Variants in RAD54L2 observed in about 807,000 individuals in gnomAD.
The protein encoded by RAD54L2 is RAD54 like 2, also known as helicase ARIP4.
In RAD54L2, 27 loss-of-function variants were observed where a neutral mutation model predicts 138.4. The ratio of observed to expected loss-of-function variants is 0.20; its 90% CI spans 0.14 to 0.27. The LOEUF (loss-of-function observed/expected upper bound fraction) is 0.27. Among genes scored for constraint, RAD54L2 ranks in the 10% least tolerant of loss-of-function variants. The probability of loss-of-function intolerance (pLI) is 1.00; values close to 1 mark genes in which losing one functional copy is unlikely to be tolerated. For missense variants in RAD54L2, 1,396 were observed against 1,890.2 expected, an observed-to-expected ratio of 0.74 and a Z score of 4.85; for synonymous variants, 644 against 723.2, an observed-to-expected ratio of 0.89 and a Z score of 1.76.
At chr3:51,657,495 G>A (rs1380637214) in intron 20 of RAD54L2, 85 bp from the exon 21 acceptor site, 2 of 823,682 alleles carry the variant, frequency 2.4e-6, no homozygotes, top group East Asian at 2.8e-5. Context: ...ATGAAGAACT[G>A]GGGTAGATGT....
chr3:51,572,561 T>A (rs1699360123), intron 2 of RAD54L2, among the ~76,000 whole-genome samples: 1 of 150,462 alleles, frequency 6.6e-6, no homozygotes, highest in Non-Finnish European at 1.5e-5. Flanking sequence ...GAGGTTGCAG[T>A]GAGCTATGAT....
chr3:51,618,718 G>C (rs934977952), intron 3 of RAD54L2, among the ~76,000 whole-genome samples: 1 of 152,190 alleles, frequency 6.6e-6, no homozygotes, highest in African/African-American at 2.4e-5. Flanking sequence ...GACTTGGGGG[G>C]GTTCTTCAGA....
intron 3 of RAD54L2, among the ~76,000 whole-genome samples, chr3:51,612,125 G>T (rs895188503): frequency 6.6e-6 from 1 of 152,178 alleles, no homozygotes; most frequent in Non-Finnish European, 1.5e-5. Context: ...ATAACTGATG[G>T]AATAATGAAG....
rs1701906083 is a variant in RAD54L2 at position 51,666,173 on chromosome 3, G to GCTTTTT, written c.*2754_*2759dup. 1 of 20,226 alleles carries GCTTTTT rather than the reference G, an allele frequency of 4.9e-5. No individual in the cohort carries two copies. The allele number at this position is 20,226 out of a possible 1,614,324, so 1.3% of individuals were successfully genotyped here. On this transcript the variant is annotated 3_prime_UTR_variant, in exon 23 of 23. Transcript: ENST00000684192. Reference sequence around the variant, plus strand: ...GAGTGCTACCAGGTCCATGGTTTTTGCTTTTTTTTTTTTTTTTTTTTTTTT... The same window carrying GCTTTTT: ...GAGTGCTACCAGGTCCATGGTTTTTGCTTTTTCTTTTTTTTTTTTTTTTTTTTTTTT...
intron 19 of RAD54L2, among the ~76,000 whole-genome samples, chr3:51,653,322 C>T (rs1239907338): frequency 6.6e-6 from 1 of 152,214 alleles, no homozygotes; most frequent in East Asian, 1.9e-4. Context: ...AACACTTTTA[C>T]ACTGTTGGTG....
intron 22 of RAD54L2, among the ~76,000 whole-genome samples, chr3:51,660,599 C>T (rs970892018): frequency 6.7e-6 from 1 of 149,564 alleles, no homozygotes; most frequent in African/African-American, 2.5e-5. Context: ...GCATGAGCCA[C>T]CGCGCCCAGC....
intron 3 of RAD54L2, among the ~76,000 whole-genome samples, chr3:51,603,419 A>C (rs1186255278): frequency 6.6e-6 from 1 of 152,100 alleles, no homozygotes; most frequent in Non-Finnish European, 1.5e-5. Flanking sequence ...CAGCCTGGCC[A>C]ACAAGGTGAA....
chr3:51,640,006 T>C lies in RAD54L2; in HGVS notation c.2231+7T>C, dbSNP rs374242614. On this transcript the variant is annotated splice_region_variant and intron_variant, in intron 14 of 22. Transcript: ENST00000684192. The stretch of plus-strand genomic sequence containing the variant: ...ACAAGATCCTTGTGTTTAGGTAGGA[T>C]GAGAAACTTCCATTTGAGGCTGTGT... 77 of 1,568,728 alleles carry C rather than the reference T, an allele frequency of 4.9e-5. No individual in the cohort carries two copies. The highest frequency in any genetic ancestry group is 1.6e-5 in the Non-Finnish European group (18 of 1,142,104).
chr3:51,667,839 C>T lies in RAD54L2; in HGVS notation c.*4419C>T, dbSNP rs1344676030. 1.3e-5 allele frequency: 2 copies of T among 152,186 alleles called. No individual in the cohort carries two copies. Among genetic ancestry groups the T allele is most frequent in the East Asian group, 1.9e-4 (1 of 5,198 alleles). 9.4% of individuals were successfully genotyped at this position (152,186 alleles called of 1,614,324 possible). On this transcript the variant is annotated 3_prime_UTR_variant, in exon 23 of 23. Transcript: ENST00000684192. ...GAGCAGGCAGTGTCCAACTTCTTTG[C>T]TCTTCAGGGACCTGAGTGTGCACCT...
chr3:51,615,335 C>T (rs1305372421), intron 3 of RAD54L2, among the ~76,000 whole-genome samples: 4 of 152,104 alleles, frequency 2.6e-5, no homozygotes, highest in Admixed American at 6.5e-5. Context: ...TTTATTTAGG[C>T]GTCTTGGCAA....
chr3:51,542,616 A>G (rs902043015), intron 2 of RAD54L2, among the ~76,000 whole-genome samples: 15 of 151,976 alleles, frequency 9.9e-5, no homozygotes, highest in African/African-American at 3.6e-4. Flanking sequence ...GGCGCCTGCC[A>G]CCACACCCGG....
intron 2 of RAD54L2, among the ~76,000 whole-genome samples, chr3:51,583,429 A>ATT (rs1173291351): frequency 7.0e-6 from 1 of 143,456 alleles, no homozygotes; most frequent in Non-Finnish European, 1.5e-5. Flanking sequence ...CTTTTTTTTT[A>ATT]TTTTTTTTTT....
intron 2 of RAD54L2, among the ~76,000 whole-genome samples, chr3:51,565,889 C>T (rs1440650274): frequency 6.1e-5 from 8 of 131,244 alleles, no homozygotes; most frequent in Admixed American, 2.7e-4. Context: ...AGTGCTGTGG[C>T]GCGATCTCAG....
intron 2 of RAD54L2, among the ~76,000 whole-genome samples, chr3:51,589,646 G>A (rs1277419265): frequency 2.7e-5 from 4 of 150,048 alleles, no homozygotes; most frequent in South Asian, 2.1e-4. Context: ...TTAAACCATC[G>A]CAGGTTGGGG....
intron 3 of RAD54L2, among the ~76,000 whole-genome samples, chr3:51,609,671 T>C (rs897520217): frequency 6.6e-6 from 1 of 151,512 alleles, no homozygotes; most frequent in Admixed American, 6.6e-5. Context: ...GTCCTTTTTT[T>C]CTCAACTACT....
In RAD54L2 at chr3:51,648,572, C is replaced by T. The variant is rs139904643; in HGVS notation, c.3026+2091C>T. 9.0e-3 allele frequency among the ~76,000 whole-genome samples: 1,365 copies of T among 152,126 alleles called. 28 individuals are homozygous for T. Among genetic ancestry groups the T allele is most frequent in the African/African-American group, 0.029 (1,220 of 41,508 alleles). ...GGGGCCGACTGACACCTCATACAGC[C>T]GGGTGCCCCTCTGAGACGAAGCTTC... On this transcript the variant is annotated intron_variant, in intron 19 of 22. Transcript: ENST00000684192.
chr3:51,542,514 C>T (rs1698578822), intron 2 of RAD54L2, among the ~76,000 whole-genome samples: 4 of 151,184 alleles, frequency 2.6e-5, no homozygotes, highest in African/African-American at 9.7e-5. Context: ...GGTGCGATCT[C>T]GGCTCACTGC....
At chr3:51,590,029 C>T (rs939782494) in intron 2 of RAD54L2, among the ~76,000 whole-genome samples, 19 of 152,090 alleles carry the variant, frequency 1.2e-4, no homozygotes, top group Admixed American at 5.9e-4. Flanking sequence ...CTCACCTCGT[C>T]GCTCAGGCTG....
chr3:51,560,270 C>T (rs574281776), intron 2 of RAD54L2, among the ~76,000 whole-genome samples: 167 of 152,188 alleles, frequency 1.1e-3, no homozygotes, highest in African/African-American at 4.0e-3. Context: ...GGAAAAGAAA[C>T]CTCATGTGTC....
Sources: gnomAD v4.1 joint callset for allele counts (sites outside exome capture counted in the v4.1 genomes callset) on GRCh38, gnomAD v4.1.1 for gene constraint, MANE v1.5 for transcripts, NCBI Gene and HGNC (gene_info 2026-07-23, HGNC 2026-07-21) for gene names.